RBFOX1: variants seen among roughly 807,000 people sequenced by gnomAD.
RBFOX1 encodes RNA binding protein fox-1 homolog 1.
In RBFOX1, 8 loss-of-function variants were observed where a neutral mutation model predicts 57.7. The ratio of observed to expected loss-of-function variants is 0.14; its 90% CI spans 0.08 to 0.25. The LOEUF (loss-of-function observed/expected upper bound fraction) is 0.25, where lower values mean the gene tolerates loss of function less well. Ranked by LOEUF, RBFOX1 falls within the 10% of genes least tolerant of loss-of-function variation. The probability of loss-of-function intolerance (pLI) is 1.00; values close to 1 mark genes in which losing one functional copy is unlikely to be tolerated. For missense variants in RBFOX1, 611 were observed against 548.5 expected (o/e 1.11, Z -1.14); for synonymous variants, 326 against 222.4 (o/e 1.47, Z -4.15).
At chr16:6,931,340 T>TATCTATCTCTAC (rs1555640312) in intron 3 of RBFOX1, among the ~76,000 whole-genome samples, 6 of 106,932 alleles carry the variant, frequency 5.6e-5, no homozygotes, top group Non-Finnish European at 1.1e-4. Context: ...TATCTATCTC[T>TATCTATCTCTAC]ACACACACAC....
In RBFOX1 at chr16:6,110,853, C is replaced by T. The variant is rs573625446; in HGVS notation, c.-127+90861C>T. Among the ~76,000 whole-genome samples, 7 of 152,134 alleles carry T rather than the reference C, an allele frequency of 4.6e-5. No homozygotes were observed. The South Asian group carries it at 1.5e-3, about 32-fold the overall frequency. ...GGCCAGAGACGGTGCTAATAATTCT[C>T]CAGTGCACAGCACCAGCCCCCACCA... On this transcript the variant is annotated intron_variant, in intron 1 of 15. Coordinates refer to ENST00000550418, the MANE Select transcript of RBFOX1 (RefSeq NM_018723.4).
chr16:7,118,024 G>A (rs1421360056), intron 4 of RBFOX1, among the ~76,000 whole-genome samples: 2 of 152,188 alleles, frequency 1.3e-5, no homozygotes, highest in Non-Finnish European at 2.9e-5. Flanking sequence ...TGTGAATTGT[G>A]CTGCATTAAG....
At chr16:7,698,414 C>T (rs188169675) in intron 14 of RBFOX1, among the ~76,000 whole-genome samples, 4 of 152,144 alleles carry the variant, frequency 2.6e-5, no homozygotes, top group African/African-American at 7.2e-5. Context: ...TCTGCAAAAG[C>T]TGTTGAAACT....
chr16:7,022,240 A>G (rs2039521276), intron 3 of RBFOX1, among the ~76,000 whole-genome samples: 1 of 150,366 alleles, frequency 6.7e-6, no homozygotes, highest in African/African-American at 2.5e-5. Flanking sequence ...TTTGGTAGAG[A>G]CGGGATTTCA....
At chr16:5,945,330 G>A (rs2059380219) in intron 4 of RBFOX1, among the ~76,000 whole-genome samples, 1 of 152,172 alleles carries the variant, frequency 6.6e-6, no homozygotes, top group Admixed American at 6.5e-5. Context: ...AGGAACAAGG[G>A]GTGAGTTACA....
At chr16:5,992,123 G>C (rs2060410454) in intron 4 of RBFOX1, among the ~76,000 whole-genome samples, 1 of 151,678 alleles carries the variant, frequency 6.6e-6, no homozygotes, top group Non-Finnish European at 1.5e-5. Flanking sequence ...AATTGAATTA[G>C]ACTACATTTA....
chr16:5,688,341 A>G (rs1372925479), intron 3 of RBFOX1, among the ~76,000 whole-genome samples: 1 of 152,214 alleles, frequency 6.6e-6, no homozygotes, highest in African/African-American at 2.4e-5. Flanking sequence ...AGAATTTTAT[A>G]TCAGTGAGAG....
At chr16:6,752,078 G>T (rs1051928853) in intron 3 of RBFOX1, among the ~76,000 whole-genome samples, 1 of 152,080 alleles carries the variant, frequency 6.6e-6, no homozygotes, top group Non-Finnish European at 1.5e-5. Flanking sequence ...AACTCCTGCT[G>T]GGCGTCCATC....
At chr16:5,883,514 G>C (rs918374325) in intron 4 of RBFOX1, among the ~76,000 whole-genome samples, 14 of 106,184 alleles carry the variant, frequency 1.3e-4, no homozygotes, top group African/African-American at 7.4e-4. Flanking sequence ...TCCCAGATAC[G>C]GGTGGCAAAC....
intron 2 of RBFOX1, among the ~76,000 whole-genome samples, chr16:6,639,966 T>C (rs2098474040): frequency 6.6e-6 from 1 of 152,184 alleles, no homozygotes; most frequent in South Asian, 2.1e-4. Flanking sequence ...CAGCACTCTG[T>C]ATAGCTTATC....
chr16:6,031,101 C>T (rs1360890078), intron 1 of RBFOX1, among the ~76,000 whole-genome samples: 5 of 152,194 alleles, frequency 3.3e-5, no homozygotes, highest in Non-Finnish European at 7.3e-5. Context: ...GTGAGTGACC[C>T]TGTTCGGTAG....
chr16:7,384,690 A>T (rs1354221332), intron 4 of RBFOX1, among the ~76,000 whole-genome samples: 1 of 152,144 alleles, frequency 6.6e-6, no homozygotes, highest in African/African-American at 2.4e-5. Context: ...TGTAATGACA[A>T]CCTAGACTTA....
chr16:7,021,929 A>G (rs58668065), intron 3 of RBFOX1, among the ~76,000 whole-genome samples: 2 of 120,644 alleles, frequency 1.7e-5, no homozygotes, highest in African/African-American at 6.0e-5. Flanking sequence ...TTCTTTCTTT[A>G]TTTTCTTTTC....
intron 2 of RBFOX1, among the ~76,000 whole-genome samples, chr16:6,456,282 G>A (rs142443654): frequency 3.8e-3 from 585 of 152,178 alleles, no homozygotes; most frequent in Non-Finnish European, 5.5e-3. Context: ...ATGTGTGTGC[G>A]TGTGTAAGAG....
At chr16:6,993,378 C>T (rs929619175) in intron 3 of RBFOX1, among the ~76,000 whole-genome samples, 37 of 152,096 alleles carry the variant, frequency 2.4e-4, no homozygotes, top group Non-Finnish European at 4.9e-4. Context: ...TAGCTCCTTT[C>T]GGTAATAAAT....
At chr16:7,253,738 A>G (rs35208096) in intron 4 of RBFOX1, among the ~76,000 whole-genome samples, 5 of 152,214 alleles carry the variant, frequency 3.3e-5, no homozygotes, top group African/African-American at 7.2e-5. Context: ...GTGTCGATCT[A>G]TGGAGCCTCT....
chr16:5,790,961 T>A (rs2151730706), intron 3 of RBFOX1, among the ~76,000 whole-genome samples: 1 of 151,944 alleles, frequency 6.6e-6, no homozygotes, highest in East Asian at 1.9e-4. Context: ...CTCTGCTTTC[T>A]GGGTTCAAGT....
At chr16:6,055,589 TCAAAA>T (rs1455440837) in intron 1 of RBFOX1, among the ~76,000 whole-genome samples, 6 of 27,744 alleles carry the variant, frequency 2.2e-4, no homozygotes, top group African/African-American at 4.9e-4. Flanking sequence ...TGAGACTCCG[TCAAAA>T]AAAAAAAAAA....
intron 3 of RBFOX1, among the ~76,000 whole-genome samples, chr16:6,730,053 G>C (rs922991441): frequency 6.6e-6 from 1 of 152,098 alleles, no homozygotes; most frequent in Non-Finnish European, 1.5e-5. Flanking sequence ...AGATAATCTT[G>C]ATGTTCTTTA....
Sources: allele counts gnomAD v4.1 joint callset (sites outside exome capture counted in the v4.1 genomes callset), GRCh38; gene constraint gnomAD v4.1.1; transcripts MANE v1.5; gene names NCBI Gene and HGNC (gene_info 2026-07-23, HGNC 2026-07-21).